Variants in TENM1 observed in about 807,000 individuals in gnomAD.
TENM1 encodes teneurin transmembrane protein 1, also known as teneurin-1.
Under a neutral mutation model 174.8 loss-of-function variants are expected in TENM1, and 35 were observed. The observed-to-expected ratio is 0.20, with a 90% CI of 0.15 to 0.27. TENM1 has a LOEUF of 0.27. Among genes scored for constraint, TENM1 ranks in the 10% least tolerant of loss-of-function variants. The probability of loss-of-function intolerance (pLI) is 1.00; values close to 1 mark genes in which losing one functional copy is unlikely to be tolerated. For missense variants in TENM1, 1,633 were observed against 2,130.1 expected, an observed-to-expected ratio of 0.77 and a Z score of 4.59; for synonymous variants, 781 against 798.7, an observed-to-expected ratio of 0.98 and a Z score of 0.37.
the TENM1 span, among the ~76,000 whole-genome samples, chrX:125,001,953 ACACACACAC>A: frequency 5.6e-5 from 6 of 106,251 alleles, no homozygotes; most frequent in Admixed American, 2.0e-4. Flanking sequence ...ACACACACAC[ACACACACAC>A]ACACACACAC....
At chrX:124,400,092 G>C (rs1201406704) in intron 27 of TENM1, among the ~76,000 whole-genome samples, 1 of 111,794 alleles carries the variant, frequency 8.9e-6, no homozygotes, top group African/African-American at 3.3e-5. Flanking sequence ...GGGCTCCTTA[G>C]GGGGAAAAGC....
intron 4 of TENM1, among the ~76,000 whole-genome samples, chrX:124,721,578 CATAA>C (rs1362688476): frequency 9.0e-6 from 1 of 111,628 alleles, no homozygotes; most frequent in Non-Finnish European, 1.9e-5. Context: ...TTAACCGAAC[CATAA>C]ATATTCACTG....
chrX:124,914,655 C>A (rs1045489662), intron 1 of TENM1, among the ~76,000 whole-genome samples: 3 of 111,555 alleles, frequency 2.7e-5, no homozygotes, highest in African/African-American at 9.8e-5. Flanking sequence ...GAAACCTAGG[C>A]ATCCCCCATA....
chrX:125,028,847 A>G, the TENM1 span, among the ~76,000 whole-genome samples: 1 of 111,724 alleles, frequency 9.0e-6, no homozygotes, highest in Non-Finnish European at 1.9e-5. Flanking sequence ...GGGGGACATA[A>G]GAAGTTTCAG....
At chrX:124,451,178 A>G (rs1321283084) in intron 23 of TENM1, among the ~76,000 whole-genome samples, 1 of 111,231 alleles carries the variant, frequency 9.0e-6, no homozygotes, top group Non-Finnish European at 1.9e-5. Context: ...ATGCTCTATA[A>G]TCTCTTTAAA....
intron 1 of TENM1, among the ~76,000 whole-genome samples, chrX:124,959,662 C>T: frequency 9.0e-6 from 1 of 111,374 alleles, no homozygotes; most frequent in South Asian, 3.8e-4. Context: ...ATACCAGCAT[C>T]TTAAACTTAA....
the TENM1 span, among the ~76,000 whole-genome samples, chrX:125,038,489 C>T: frequency 1.2e-4 from 13 of 110,913 alleles, no homozygotes; most frequent in Admixed American, 9.6e-5. Flanking sequence ...TTTATAAAAC[C>T]ACCTTATTGG....
intron 1 of TENM1, among the ~76,000 whole-genome samples, chrX:124,916,792 C>CTCTCTCTCTCTCTCTT (rs1201273647): frequency 9.1e-6 from 1 of 109,852 alleles, no homozygotes. Context: ...CTCTCTCTCT[C>CTCTCTCTCTCTCTCTT]TCTCTCTCTC....
chrX:124,880,353 C>T (rs1351102324), intron 3 of TENM1, among the ~76,000 whole-genome samples: 2 of 111,940 alleles, frequency 1.8e-5, no homozygotes, highest in African/African-American at 6.5e-5. Context: ...TATAACAATG[C>T]TACTAATTTT....
chrX:124,566,099 G>C (rs963273691), intron 11 of TENM1, among the ~76,000 whole-genome samples: 1 of 111,181 alleles, frequency 9.0e-6, no homozygotes, highest in African/African-American at 3.3e-5. Flanking sequence ...TATCACTGGG[G>C]GAAAAATCCC....
rs763663182 is a variant in TENM1, at chrX:124,484,874, C to G, written c.3716+2335G>C. ...CCTAACATATCTTTCTCTCCAACTA[C>G]ACTGTGAGCTCTTTGCAGGCAGGAA... On this transcript the variant is annotated intron_variant, in intron 21 of 31. Transcript: ENST00000422452. 5.4e-5 allele frequency among the ~76,000 whole-genome samples: 6 copies of G among 111,416 alleles called. No individual in the cohort carries two copies. The East Asian group carries it at 1.7e-3, about 31-fold the overall frequency.
In TENM1 at chrX:124,634,705, C is replaced by T. The variant is rs145237798; in HGVS notation, c.2077+7086G>A. On this transcript the variant is annotated intron_variant, in intron 11 of 31. Coordinates refer to ENST00000422452, the Ensembl canonical transcript of TENM1. ...AGTGATGCATTACATGTGCTAGACA[C>T]GCAGAGTCATGTGAAAAATCTTTTG... 8.4e-3 allele frequency among the ~76,000 whole-genome samples: 936 copies of T among 111,839 alleles called. 9 individuals are homozygous for T. Among genetic ancestry groups the T allele is most frequent in the African/African-American group, 0.029 (892 of 30,847 alleles).
chrX:125,076,896 A>T, the TENM1 span, among the ~76,000 whole-genome samples: 1 of 110,692 alleles, frequency 9.0e-6, no homozygotes, highest in African/African-American at 3.3e-5. Context: ...AACATTTCAA[A>T]ATTTTTTTTT....
intron 22 of TENM1, among the ~76,000 whole-genome samples, chrX:124,458,088 A>G (rs1472072598): frequency 8.9e-6 from 1 of 111,925 alleles, no homozygotes; most frequent in Non-Finnish European, 1.9e-5. Flanking sequence ...AGAGTGCTGA[A>G]TTGTGTAACT....
At chrX:124,499,062 C>T (rs1342399480) in intron 19 of TENM1, among the ~76,000 whole-genome samples, 2 of 111,657 alleles carry the variant, frequency 1.8e-5, no homozygotes, top group Non-Finnish European at 1.9e-5. Flanking sequence ...GTGAAACATC[C>T]ATGTTGTGGG....
chrX:125,011,125 G>T, the TENM1 span, among the ~76,000 whole-genome samples: 2 of 111,853 alleles, frequency 1.8e-5, no homozygotes, highest in East Asian at 5.7e-4. Flanking sequence ...AAACTGGCTA[G>T]CCAAATGCAG....
intron 5 of TENM1, among the ~76,000 whole-genome samples, chrX:124,698,855 T>A (rs182142871): frequency 1.2e-3 from 129 of 111,696 alleles, no homozygotes; most frequent in Non-Finnish European, 2.2e-3. Flanking sequence ...GAACCCTAAA[T>A]GGATAAGCCT....
At chrX:124,846,148 C>T (rs1017206327) in intron 3 of TENM1, among the ~76,000 whole-genome samples, 1 of 109,753 alleles carries the variant, frequency 9.1e-6, no homozygotes, top group Non-Finnish European at 1.9e-5. Context: ...AAAAAGTAAC[C>T]TTTAGTACTT....
chrX:124,994,614 T>C, the TENM1 span, among the ~76,000 whole-genome samples: 1 of 110,944 alleles, frequency 9.0e-6, no homozygotes, highest in African/African-American at 3.3e-5. Flanking sequence ...CCCAGTTAAA[T>C]GAGCCTGAAA....
Sources: gnomAD v4.1 joint callset for allele counts (sites outside exome capture counted in the v4.1 genomes callset) on GRCh38, gnomAD v4.1.1 for gene constraint, MANE v1.5 for transcripts, NCBI Gene and HGNC (gene_info 2026-07-23, HGNC 2026-07-21) for gene names.